FSTL4: variants seen among roughly 807,000 people sequenced by gnomAD.
The protein encoded by FSTL4 is follistatin-related protein 4.
Under a neutral mutation model 78.2 loss-of-function variants are expected in FSTL4, and 28 were observed. The ratio of observed to expected loss-of-function variants is 0.36; its 90% CI spans 0.27 to 0.49. FSTL4 has a LOEUF of 0.49. FSTL4 is among the 20% of genes least tolerant of loss of function. The pLI is 0.98. For synonymous variants in FSTL4, 422 were observed against 440.5 expected, an observed-to-expected ratio of 0.96 and a Z score of 0.53; for missense variants, 922 against 1,084.9, an observed-to-expected ratio of 0.85 and a Z score of 2.11.
At chr5:133,442,978 G>C (rs1257877407) in intron 3 of FSTL4, among the ~76,000 whole-genome samples, 2 of 152,212 alleles carry the variant, frequency 1.3e-5, no homozygotes. Context: ...GTCAAATCTG[G>C]TGATTTTTAA....
At chr5:133,528,071 G>C (rs539824522) in intron 3 of FSTL4, among the ~76,000 whole-genome samples, 4 of 152,220 alleles carry the variant, frequency 2.6e-5, no homozygotes, top group Non-Finnish European at 4.4e-5. Flanking sequence ...CAGGGATTTG[G>C]TTCAGGTGTA....
At chr5:133,438,307 A>T (rs1368210059) in intron 3 of FSTL4, among the ~76,000 whole-genome samples, 1 of 152,244 alleles carries the variant, frequency 6.6e-6, no homozygotes, top group Non-Finnish European at 1.5e-5. Flanking sequence ...CAGTGCTTAC[A>T]GGCAAGAAGT....
intron 6 of FSTL4, among the ~76,000 whole-genome samples, chr5:133,290,414 C>G (rs375964398): frequency 6.6e-6 from 1 of 152,338 alleles, no homozygotes; most frequent in East Asian, 1.9e-4. Context: ...AGTCCTTGAG[C>G]CTCTGTGGCA....
rs989896437 is a variant in FSTL4, at chr5:133,197,821, G to A, written c.*1274C>T. 6.6e-6 allele frequency: 1 copy of A among 152,244 alleles called. No individual in the cohort carries two copies. The highest frequency in any genetic ancestry group is 1.5e-5 in the Non-Finnish European group (1 of 68,080). The allele number at this position is 152,244 out of a possible 1,614,324, so 9.4% of individuals were successfully genotyped here. ...TCTCTGATCTAGGCGGTCTCCAGAG[G>A]GCTATGTGGGTTGTACTTCTTCGAT... On this transcript the variant is annotated 3_prime_UTR_variant, in exon 16 of 16. Coordinates refer to ENST00000265342, the MANE Select transcript of FSTL4 (RefSeq NM_015082.2).
At chr5:133,666,041 A>G in the FSTL4 span, among the ~76,000 whole-genome samples, 2 of 152,154 alleles carry the variant, frequency 1.3e-5, no homozygotes, top group African/African-American at 4.8e-5. Context: ...CCTTCAGGAA[A>G]GTCAAGAGTG....
chr5:133,768,366 G>A, the FSTL4 span, among the ~76,000 whole-genome samples: 8 of 152,144 alleles, frequency 5.3e-5, no homozygotes, highest in East Asian at 1.2e-3. Context: ...CCTGTGCAGC[G>A]AGCATTTTGT....
At chr5:133,730,699 C>T in the FSTL4 span, among the ~76,000 whole-genome samples, 2 of 152,152 alleles carry the variant, frequency 1.3e-5, no homozygotes, top group African/African-American at 2.4e-5. Context: ...AACCAGCCAT[C>T]GAGGAGAGGC....
At chr5:133,594,854 A>G (rs911753414) in intron 2 of FSTL4, among the ~76,000 whole-genome samples, 1 of 152,252 alleles carries the variant, frequency 6.6e-6, no homozygotes, top group Non-Finnish European at 1.5e-5. Context: ...CAGAGCTCAA[A>G]CAAGCTTTCA....
the FSTL4 span, among the ~76,000 whole-genome samples, chr5:133,781,354 T>C: frequency 1.4e-5 from 2 of 140,992 alleles, no homozygotes; most frequent in Admixed American, 7.5e-5. Flanking sequence ...AGGTCACTGA[T>C]TGTTAAGCGG....
At chr5:133,820,707 G>A in the FSTL4 span, among the ~76,000 whole-genome samples, 1 of 152,322 alleles carries the variant, frequency 6.6e-6, no homozygotes, top group East Asian at 1.9e-4. Context: ...CGTAAGTGTT[G>A]GAATTTAGGC....
At chr5:133,384,237 A>G (rs1262494236) in intron 4 of FSTL4, among the ~76,000 whole-genome samples, 1 of 152,226 alleles carries the variant, frequency 6.6e-6, no homozygotes, top group African/African-American at 2.4e-5. Context: ...ATAGTCCAGG[A>G]CAGGGACTGA....
rs143616213 is a variant in FSTL4 at position 133,274,084 on chromosome 5, C to G, written c.728-24508G>C. On this transcript the variant is annotated intron_variant, in intron 6 of 15. Coordinates refer to ENST00000265342, the MANE Select transcript of FSTL4 (RefSeq NM_015082.2). The stretch of plus-strand genomic sequence containing the variant: ...CAAGTGTTCATTTTTCTTTGGCAAA[C>G]TCTCAACATGGCCAGGGCGGTGGCT... 4.8e-3 allele frequency among the ~76,000 whole-genome samples: 734 copies of G among 152,346 alleles called. 8 individuals carry two copies. Among genetic ancestry groups the G allele is most frequent in the African/African-American group, 0.017 (689 of 41,582 alleles).
At chr5:133,550,796 T>C (rs1265610828) in intron 3 of FSTL4, among the ~76,000 whole-genome samples, 1 of 152,214 alleles carries the variant, frequency 6.6e-6, no homozygotes, top group African/African-American at 2.4e-5. Context: ...AATGAGATCA[T>C]ATGAGTAATA....
chr5:133,726,455 G>A, the FSTL4 span, among the ~76,000 whole-genome samples: 1 of 152,134 alleles, frequency 6.6e-6, no homozygotes, highest in Non-Finnish European at 1.5e-5. Context: ...CCTTTTTGGG[G>A]AGCTTTATCT....
At chr5:133,386,825 G>A (rs1452130471) in intron 4 of FSTL4, among the ~76,000 whole-genome samples, 7 of 152,282 alleles carry the variant, frequency 4.6e-5, no homozygotes, top group South Asian at 2.1e-4. Context: ...TGGCATTGGC[G>A]GGGACTTTCT....
the FSTL4 span, among the ~76,000 whole-genome samples, chr5:133,675,230 A>G: frequency 6.6e-6 from 1 of 152,192 alleles, no homozygotes; most frequent in African/African-American, 2.4e-5. Context: ...AGCTAGCACA[A>G]AGGAGCTCGT....
chr5:133,518,834 CAAATTTATCCATTTTGTAATTGGGGGAA>C (rs1168522945), intron 3 of FSTL4, among the ~76,000 whole-genome samples: 14 of 152,122 alleles, frequency 9.2e-5, no homozygotes, highest in Non-Finnish European at 1.8e-4. Context: ...GGCTACAATG[CAAATTTATCCATTTTGTAATTGGGGGAA>C]AAATTTAAAA....
Position 133,236,151 on chromosome 5 carries a change from T to G in FSTL4, c.895-2614A>C, listed in dbSNP as rs1025143663. ...CAAACTGCCTTCCTGAGCCTTCACATCCACAGCCCCTTCTCATGATGGCCC... is the reference window on the plus strand; with the variant it reads ...CAAACTGCCTTCCTGAGCCTTCACAGCCACAGCCCCTTCTCATGATGGCCC... On this transcript the variant is annotated intron_variant, in intron 7 of 15. Coordinates refer to ENST00000265342, the MANE Select transcript of FSTL4 (RefSeq NM_015082.2). The surrounding 1 kb of genome is among the most constrained non-coding windows in gnomAD (Gnocchi z 5.0). 6.6e-6 allele frequency among the ~76,000 whole-genome samples: 1 copy of G among 151,700 alleles called. No homozygotes were observed. The highest frequency in any genetic ancestry group is 1.5e-5 in the Non-Finnish European group (1 of 67,764).
chr5:133,653,942 T>A, the FSTL4 span, among the ~76,000 whole-genome samples: 1 of 152,240 alleles, frequency 6.6e-6, no homozygotes, highest in Non-Finnish European at 1.5e-5. Flanking sequence ...CCTTTCTTTA[T>A]TCCTTCATTC....
Sources: gnomAD v4.1 joint callset for allele counts (sites outside exome capture counted in the v4.1 genomes callset) on GRCh38, gnomAD v4.1.1 for gene constraint, Gnocchi (gnomAD v3.1) non-coding constraint, MANE v1.5 for transcripts, NCBI Gene and HGNC (gene_info 2026-07-23, HGNC 2026-07-21) for gene names.